The following LRRC4C variants were observed in gnomAD, a reference collection of about 807,000 sequenced individuals.
The protein encoded by LRRC4C is leucine rich repeat containing 4C, also known as leucine-rich repeat-containing protein 4C.
Under a neutral mutation model 33.6 loss-of-function variants are expected in LRRC4C, and 5 were observed. The observed-to-expected ratio is 0.15, with a 90% CI of 0.08 to 0.31. The LOEUF (loss-of-function observed/expected upper bound fraction) is 0.31, where lower values mean the gene tolerates loss of function less well. Among genes scored for constraint, LRRC4C ranks in the 10% least tolerant of loss-of-function variants. The pLI is 1.00. For missense variants in LRRC4C, 560 were observed against 796.7 expected, an observed-to-expected ratio of 0.70 and a Z score of 3.58; for synonymous variants, 329 against 302.0, an observed-to-expected ratio of 1.09 and a Z score of -0.93.
At chr11:41,332,022 T>C (rs915695823) in intron 1 of LRRC4C, among the ~76,000 whole-genome samples, 4 of 152,208 alleles carry the variant, frequency 2.6e-5, no homozygotes, top group Non-Finnish European at 4.4e-5. Flanking sequence ...TATGTATTTG[T>C]TTGTTGTTTA....
chr11:40,912,760 TAA>T (rs1413843711), intron 2 of LRRC4C, among the ~76,000 whole-genome samples: 3 of 151,974 alleles, frequency 2.0e-5, no homozygotes, highest in Admixed American at 1.3e-4. Context: ...GCAAATTGGA[TAA>T]AGAGTCAAGA....
chr11:41,239,639 C>T (rs1204151919), intron 1 of LRRC4C, among the ~76,000 whole-genome samples: 17 of 152,056 alleles, frequency 1.1e-4, no homozygotes, highest in Admixed American at 1.0e-3. Flanking sequence ...TTACATACTC[C>T]ATTCTGTCCA....
chr11:40,124,715 G>C (rs997623761), intron 6 of LRRC4C, among the ~76,000 whole-genome samples: 1 of 151,988 alleles, frequency 6.6e-6, no homozygotes, highest in African/African-American at 2.4e-5. Context: ...ATAAAAATAT[G>C]GTTAGACACA....
intron 1 of LRRC4C, among the ~76,000 whole-genome samples, chr11:41,396,886 T>G (rs140783406): frequency 0.023 from 3,558 of 152,096 alleles, 156 homozygotes; most frequent in African/African-American, 0.082. Flanking sequence ...CAAAAGAAAC[T>G]ATCAACAGAG....
chr11:40,849,960 C>T (rs539390082), intron 2 of LRRC4C, among the ~76,000 whole-genome samples: 4 of 151,544 alleles, frequency 2.6e-5, no homozygotes, highest in Admixed American at 6.6e-5. Flanking sequence ...AGTTCTTGTG[C>T]TGTGTTTTTC....
intron 1 of LRRC4C, among the ~76,000 whole-genome samples, chr11:40,989,110 C>G (rs1419688479): frequency 1.3e-5 from 2 of 152,140 alleles, no homozygotes; most frequent in Non-Finnish European, 2.9e-5. Flanking sequence ...TTCCGTATAA[C>G]CTATGCTGAC....
At chr11:41,388,915 G>A (rs745200) in intron 1 of LRRC4C, among the ~76,000 whole-genome samples, 58,990 of 151,472 alleles carry the variant, frequency 0.39, 11,812 homozygotes, top group South Asian at 0.48. Flanking sequence ...AAATTTTGAT[G>A]TTTAGACAGG....
At chr11:41,050,350 C>T (rs1590357190) in intron 1 of LRRC4C, among the ~76,000 whole-genome samples, 1 of 152,082 alleles carries the variant, frequency 6.6e-6, no homozygotes, top group Non-Finnish European at 1.5e-5. Flanking sequence ...TGTTACGTAG[C>T]TATACATGGG....
intron 1 of LRRC4C, among the ~76,000 whole-genome samples, chr11:41,156,495 TAAC>T (rs910678704): frequency 7.9e-5 from 12 of 152,258 alleles, no homozygotes; most frequent in Admixed American, 6.6e-4. Context: ...ATTTCCCACT[TAAC>T]AATTTCTGAT....
chr11:41,285,271 A>C (rs543257084), intron 1 of LRRC4C, among the ~76,000 whole-genome samples: 1 of 152,198 alleles, frequency 6.6e-6, no homozygotes, highest in Non-Finnish European at 1.5e-5. Flanking sequence ...TCATTCATCC[A>C]TTTATTGATT....
intron 2 of LRRC4C, among the ~76,000 whole-genome samples, chr11:40,915,865 C>T (rs1216968535): frequency 1.3e-5 from 2 of 152,058 alleles, no homozygotes; most frequent in Admixed American, 6.6e-5. Context: ...AAACAAACAA[C>T]CCCATCAAAA....
chr11:40,789,754 C>A (rs1950554177), intron 2 of LRRC4C, among the ~76,000 whole-genome samples: 1 of 152,064 alleles, frequency 6.6e-6, no homozygotes, highest in Admixed American at 6.6e-5. Flanking sequence ...ATATTTTGAG[C>A]CAAATATCTT....
intron 1 of LRRC4C, among the ~76,000 whole-genome samples, chr11:41,211,193 G>A (rs1242053269): frequency 6.6e-6 from 1 of 152,118 alleles, no homozygotes; most frequent in Non-Finnish European, 1.5e-5. Context: ...ATTCTAATAA[G>A]AGGAGTTATA....
intron 1 of LRRC4C, among the ~76,000 whole-genome samples, chr11:41,406,406 A>C (rs2138162234): frequency 6.6e-6 from 1 of 152,238 alleles, no homozygotes; most frequent in African/African-American, 2.4e-5. Context: ...TTTAGGAAAT[A>C]TATACAAAGT....
At chr11:40,454,164 T>C (rs532224842) in intron 3 of LRRC4C, among the ~76,000 whole-genome samples, 116 of 151,156 alleles carry the variant, frequency 7.7e-4, no homozygotes, top group African/African-American at 2.8e-3. Flanking sequence ...AATGACCACT[T>C]GATTAAAGTT....
chr11:40,244,711 T>C (rs1361447367), intron 4 of LRRC4C, among the ~76,000 whole-genome samples: 1 of 152,192 alleles, frequency 6.6e-6, no homozygotes, highest in Admixed American at 6.5e-5. Flanking sequence ...GAGTTGATTT[T>C]CAGCAGTGGG....
chr11:41,366,664 G>T (rs1049990686), intron 1 of LRRC4C, among the ~76,000 whole-genome samples: 2 of 152,026 alleles, frequency 1.3e-5, no homozygotes, highest in East Asian at 1.9e-4. Flanking sequence ...AGTAGATAAG[G>T]TCTTTAAGGA....
At chr11:41,405,069 T>C (rs955431738) in intron 1 of LRRC4C, among the ~76,000 whole-genome samples, 1 of 152,116 alleles carries the variant, frequency 6.6e-6, no homozygotes, top group Non-Finnish European at 1.5e-5. Flanking sequence ...ACCTAAAATG[T>C]TGATAAATAA....
intron 1 of LRRC4C, among the ~76,000 whole-genome samples, chr11:41,195,547 T>C (rs566985340): frequency 6.6e-6 from 1 of 151,962 alleles, no homozygotes; most frequent in Non-Finnish European, 1.5e-5. Context: ...ATGGAGATAT[T>C]TCCCCCCCCA....
Sources: allele counts gnomAD v4.1 joint callset (sites outside exome capture counted in the v4.1 genomes callset), GRCh38; gene constraint gnomAD v4.1.1; transcripts MANE v1.5; gene names NCBI Gene and HGNC (gene_info 2026-07-23, HGNC 2026-07-21).